The following NEDD4 variants were observed in gnomAD, a reference collection of about 807,000 sequenced individuals.
The protein encoded by NEDD4 is E3 ubiquitin-protein ligase NEDD4.
A neutral mutation model predicts 144.9 loss-of-function variants in NEDD4; 99 were observed. The ratio of observed to expected loss-of-function variants is 0.68; its 90% confidence interval spans 0.58 to 0.81. The LOEUF (loss-of-function observed/expected upper bound fraction) is 0.81. Ranked by LOEUF, NEDD4 falls within the 30% of genes least tolerant of loss-of-function variation. The pLI, the probability that NEDD4 is intolerant of heterozygous loss-of-function variation, is 0.00. For synonymous variants in NEDD4, 318 were observed against 350.6 expected (o/e 0.91, Z 1.04); for missense variants, 985 against 1,065.9 (o/e 0.92, Z 1.06).
intron 7 of NEDD4, among the ~76,000 whole-genome samples, chr15:55,870,603 G>A (rs556716978): frequency 6.9e-5 from 10 of 144,756 alleles, no homozygotes; most frequent in African/African-American, 2.3e-4. Flanking sequence ...GCTCAATTAC[G>A]GTTCACTGCA....
chr15:55,937,731 T>C (rs1459859913), intron 4 of NEDD4, among the ~76,000 whole-genome samples: 2 of 152,168 alleles, frequency 1.3e-5, no homozygotes, highest in Admixed American at 1.3e-4. Flanking sequence ...TTAATATTGT[T>C]AAAATGTCCA....
chr15:55,945,259 A>G (rs113782468), intron 4 of NEDD4, among the ~76,000 whole-genome samples: 20,434 of 152,050 alleles, frequency 0.13, 1,498 homozygotes, highest in East Asian at 0.32. Context: ...GAACCTAAAA[A>G]CCTTGAAAAA....
At chr15:55,846,208 A>G (rs1418439013) in intron 18 of NEDD4, among the ~76,000 whole-genome samples, 1 of 152,158 alleles carries the variant, frequency 6.6e-6, no homozygotes, top group Admixed American at 6.6e-5. Flanking sequence ...TTTGGGTGAA[A>G]CTCTGAGGTG....
At chr15:55,867,956 T>G (rs970944740) in intron 8 of NEDD4, among the ~76,000 whole-genome samples, 3 of 150,678 alleles carry the variant, frequency 2.0e-5, no homozygotes, top group Admixed American at 6.7e-5. Flanking sequence ...CTTGGGAGGC[T>G]GAGGCATGAG....
chr15:55,924,475 G>A lies in NEDD4; in HGVS notation c.291+171C>T. 2.2e-5 allele frequency: 13 copies of A among 588,796 alleles called. No individual in the cohort carries two copies. In the South Asian group the frequency reaches 2.8e-4, roughly 13 times the overall value. 36.5% of individuals were successfully genotyped at this position (588,796 alleles called of 1,614,324 possible). A position where few individuals can be genotyped will look rare whatever the true frequency, so the allele number is the denominator to read the frequency against. ...TGGGAGGAGAATGGAAAGGGAGCGAGTAGGACCAGGAGGAAGAAAACAAAT... is the reference window on the plus strand; with the variant it reads ...TGGGAGGAGAATGGAAAGGGAGCGAATAGGACCAGGAGGAAGAAAACAAAT... On this transcript the variant is annotated intron_variant, in intron 5 of 28. Coordinates refer to ENST00000435532, the MANE Select transcript of NEDD4 (RefSeq NM_006154.4).
Position 55,829,850 on chromosome 15 carries a change from G to A in NEDD4, c.*47C>T, listed in dbSNP as rs1162298371. The stretch of plus-strand genomic sequence containing the variant: ...CGGAAAATTTTAAGTCAAGATTTTG[G>A]TTATAAAACTATGGCAGTAAAAACA... On this transcript the variant is annotated 3_prime_UTR_variant, in exon 29 of 29. Transcript: ENST00000435532. 1 of 1,453,988 alleles carries A rather than the reference G, an allele frequency of 6.9e-7. No individual in the cohort carries two copies. The highest frequency in any genetic ancestry group is 1.4e-5 in the African/African-American group (1 of 71,238). The allele number at this position is 1,453,988 out of a possible 1,614,324, so 90.1% of individuals were successfully genotyped here. A position where few individuals can be genotyped will look rare whatever the true frequency, so the allele number is the denominator to read the frequency against.
At chr15:55,914,798 T>C (rs897758922) in intron 5 of NEDD4, among the ~76,000 whole-genome samples, 1 of 152,026 alleles carries the variant, frequency 6.6e-6, no homozygotes, top group South Asian at 2.1e-4. Context: ...CTTTACACTT[T>C]GATATGGGTT....
intron 5 of NEDD4, among the ~76,000 whole-genome samples, chr15:55,906,234 C>G (rs191507921): frequency 2.0e-5 from 3 of 152,182 alleles, no homozygotes; most frequent in South Asian, 4.2e-4. Flanking sequence ...CGATTCCTCA[C>G]GGATCTAGAA....
intron 2 of NEDD4, among the ~76,000 whole-genome samples, chr15:55,964,653 GT>G (rs1566971160): frequency 3.6e-3 from 70 of 19,448 alleles, no homozygotes; most frequent in African/African-American, 9.3e-3. Context: ...TGCTGCTGGT[GT>G]GTGTGTGTGT....
intron 4 of NEDD4, among the ~76,000 whole-genome samples, chr15:55,925,641 G>A (rs2142236154): frequency 6.6e-6 from 1 of 152,170 alleles, no homozygotes; most frequent in African/African-American, 2.4e-5. Flanking sequence ...ATTGAACACT[G>A]TGATATCTTA....
chr15:55,924,905 T>TA lies in NEDD4; in HGVS notation c.238-207dup, dbSNP rs541646097. ...CAACATGGTGAAACCTCGTCTCTACTAAAAATACAAAAATGAGCCAGGTAT... is the reference window on the plus strand; with the variant it reads ...CAACATGGTGAAACCTCGTCTCTACTAAAAAATACAAAAATGAGCCAGGTAT... On this transcript the variant is annotated intron_variant, in intron 4 of 28. Transcript: ENST00000435532. Among the ~76,000 whole-genome samples, 18 of 152,166 alleles carry TA rather than the reference T, an allele frequency of 1.2e-4. No homozygotes were observed. In the East Asian group the frequency reaches 2.7e-3, roughly 23 times the overall value.
chr15:55,843,885 G>A (rs1398629294), intron 18 of NEDD4, among the ~76,000 whole-genome samples: 2 of 150,942 alleles, frequency 1.3e-5, no homozygotes, highest in African/African-American at 2.4e-5. Context: ...GGGAATAAAG[G>A]GAATAAAAAC....
Position 55,976,653 on chromosome 15 carries a change from G to A in NEDD4, c.46-10107C>T, listed in dbSNP as rs1472877865. ...TTTTTTTTTTTTTTTTTTTTGAGACGGAGGCTCGCTCTGTGGCCCAGGCTG... is the reference window on the plus strand; with the variant it reads ...TTTTTTTTTTTTTTTTTTTTGAGACAGAGGCTCGCTCTGTGGCCCAGGCTG... On this transcript the variant is annotated intron_variant, in intron 1 of 28. Transcript: ENST00000435532. 7.2e-5 allele frequency among the ~76,000 whole-genome samples: 10 copies of A among 138,686 alleles called. No homozygotes were observed. In the South Asian group the frequency reaches 8.9e-4, roughly 12 times the overall value. 91.0% of individuals were successfully genotyped at this position (138,686 alleles called of 152,430 possible).
chr15:55,983,770 C>G (rs561988139), intron 1 of NEDD4, among the ~76,000 whole-genome samples: 1 of 152,050 alleles, frequency 6.6e-6, no homozygotes, highest in South Asian at 2.1e-4. Flanking sequence ...GCTACCATGC[C>G]TGGCTAATTT....
rs544555857 is a variant in NEDD4 at position 55,948,805 on chromosome 15, A to G, written c.237+2571T>C. Among the ~76,000 whole-genome samples, 24 of 152,354 alleles carry G rather than the reference A, an allele frequency of 1.6e-4. No homozygotes were observed. The East Asian group carries it at 4.2e-3, about 27-fold the overall frequency. ...TTACACCTTATACAAAAATTAATTCAAGATGGATTAAAGGCTTAAACGTTA... is the reference window on the plus strand; with the variant it reads ...TTACACCTTATACAAAAATTAATTCGAGATGGATTAAAGGCTTAAACGTTA... On this transcript the variant is annotated intron_variant, in intron 4 of 28. Coordinates refer to ENST00000435532, the MANE Select transcript of NEDD4 (RefSeq NM_006154.4).
Position 55,848,875 on chromosome 15 carries a change from T to A in NEDD4, c.1359A>T (p.Arg453Ser). The A allele has an allele frequency of 6.2e-7, 1 of 1,613,478 alleles. No individual in the cohort carries two copies. The highest frequency in any genetic ancestry group is 8.5e-7 in the Non-Finnish European group (1 of 1,179,518). ...CTCTCAGATGGGCTGGAATTTTCAA[T>A]CTTGGATCTTCCTTTTTTGGTAGAG... ...NTKTTTWEDP[R>S]LKIPAHLRGK... is the part of the protein sequence containing the mutation. The change falls in exon 15 of 29, where the codon AGA (arginine) becomes AGT (serine). Residue 453 changes from arginine (R) to serine (S), a missense_variant. By Grantham distance (110) the Arg-to-Ser change is moderately radical. Transcript: ENST00000435532.
chr15:55,840,613 C>G lies in NEDD4; in HGVS notation c.1953G>C (p.Leu651=), dbSNP rs764511146. The change falls in exon 20 of 29, where the codon CTG becomes CTC. Residue 651 remains leucine, a synonymous_variant. Transcript: ENST00000435532. ...VAGMAVYHGK[L]LDGFFIRPFY... is the part of the protein sequence containing the mutation. ...TTTATACTTAATACTAACCATCCAA[C>G]AGTTTGCCATGATAAACTGCCATTC... The G allele has an allele frequency of 1.2e-5, 19 of 1,613,944 alleles. No individual in the cohort carries two copies. The Admixed American group carries it at 2.8e-4, about 24-fold the overall frequency.
intron 5 of NEDD4, among the ~76,000 whole-genome samples, chr15:55,877,737 CAAAGA>C (rs1381105039): frequency 3.3e-4 from 50 of 152,164 alleles, no homozygotes; most frequent in African/African-American, 1.1e-3. Context: ...TCTGCTTAAG[CAAAGA>C]ATTTTCCCCT....
intron 5 of NEDD4, among the ~76,000 whole-genome samples, chr15:55,920,782 A>G (rs2036554094): frequency 6.6e-6 from 1 of 152,204 alleles, no homozygotes; most frequent in African/African-American, 2.4e-5. Flanking sequence ...GTTGCTATAC[A>G]ATCAGGTCTG....
Sources: allele counts gnomAD v4.1 joint callset (sites outside exome capture counted in the v4.1 genomes callset), GRCh38; gene constraint gnomAD v4.1.1; transcripts MANE v1.5; gene names NCBI Gene and HGNC (gene_info 2026-07-23, HGNC 2026-07-21).